ZNF567: variants seen among roughly 807,000 people sequenced by gnomAD.
ZNF567 encodes zinc finger protein 567.
ZNF567 carries 36 observed loss-of-function variants against 53.9 expected under a neutral mutation model. The ratio of observed to expected loss-of-function variants is 0.67; its 90% CI spans 0.51 to 0.88. The LOEUF is 0.88. ZNF567 is among the 40% of genes least tolerant of loss of function. ZNF567 has a pLI of 0.00. For synonymous variants in ZNF567, 224 were observed against 260.4 expected (o/e 0.86, Z 1.35); for missense variants, 619 against 764.7 (o/e 0.81, Z 2.25).
Position 36,720,328 on chromosome 19 carries a change from G to C in ZNF567, c.1604G>C (p.Cys535Ser), listed in dbSNP as rs1020516389. Residue 535 changes from cysteine (C) to serine (S), a missense_variant, in exon 6 of 6, where the codon TGT becomes TCT. Cys to Ser is a moderately radical substitution (Grantham distance 112). Transcript: ENST00000682579. Reference protein sequence around the residue: ...RIHTGEKPYVCNECGKSFRQK... With the variant: ...RIHTGEKPYVSNECGKSFRQK... ...CATACAGGGGAGAAACCCTATGTTT[G>C]TAATGAATGTGGGAAGTCCTTTCGC... 1 of 1,614,046 alleles carries C rather than the reference G, an allele frequency of 6.2e-7. No individual in the cohort carries two copies. The highest frequency in any genetic ancestry group is 1.3e-5 in the African/African-American group (1 of 74,944).
At position 36,721,054 on chromosome 19, in the gene ZNF567, C is replaced by G. The variant is rs945386922; in HGVS notation, c.*386C>G. On this transcript the variant is annotated 3_prime_UTR_variant, in exon 6 of 6. Coordinates refer to ENST00000682579, the MANE Select transcript of ZNF567 (RefSeq NM_001322917.1). ...TAAAAAGCAGTTAGTTGTTACTTACCTAAGAGTTACCACTTCCGTAGCCTA... is the reference window on the plus strand; with the variant it reads ...TAAAAAGCAGTTAGTTGTTACTTACGTAAGAGTTACCACTTCCGTAGCCTA... 2.6e-5 allele frequency: 4 copies of G among 153,220 alleles called. No homozygotes were observed. The highest frequency in any genetic ancestry group is 6.5e-5 in the Admixed American group (1 of 15,320). 9.5% of individuals were successfully genotyped at this position (153,220 alleles called of 1,614,324 possible). A position where few individuals can be genotyped will look rare whatever the true frequency, so the allele number is the denominator to read the frequency against.
chr19:36,683,033 C>A (rs767602238), upstream of ZNF567, among the ~76,000 whole-genome samples: 49 of 151,866 alleles, frequency 3.2e-4, no homozygotes, highest in Non-Finnish European at 5.0e-4. Flanking sequence ...CTCACTTTTT[C>A]TATCGGGTTT....
upstream of ZNF567, chr19:36,685,825 G>A (rs559803705): frequency 6.6e-6 from 1 of 152,330 alleles, no homozygotes; most frequent in East Asian, 1.9e-4. Context: ...TGGCAATTTG[G>A]GCTTGGCTTG....
downstream of ZNF567, among the ~76,000 whole-genome samples, chr19:36,721,746 T>TTTC (rs2040304804): frequency 3.1e-5 from 4 of 130,240 alleles, no homozygotes; most frequent in African/African-American, 1.4e-4. Flanking sequence ...TTTTTTTTCT[T>TTTC]TTTTTTTTTT....
upstream of ZNF567, chr19:36,687,564 C>CCG (rs2038309570): frequency 6.6e-6 from 1 of 152,296 alleles, no homozygotes; most frequent in Admixed American, 6.5e-5. Context: ...CAGGAACGCG[C>CCG]CGCGGAGACA....
intron 2 of ZNF567, among the ~76,000 whole-genome samples, chr19:36,693,941 G>A (rs985109922): frequency 1.3e-5 from 2 of 152,226 alleles, no homozygotes; most frequent in African/African-American, 2.4e-5. Context: ...GCTTACGCCT[G>A]TAATCACATA....
the ZNF567 span, among the ~76,000 whole-genome samples, chr19:36,675,032 C>T: frequency 3.9e-5 from 6 of 152,162 alleles, no homozygotes; most frequent in African/African-American, 1.2e-4. Flanking sequence ...GGATTATAGG[C>T]GTGAGCCACT....
At chr19:36,671,553 A>G in the ZNF567 span, among the ~76,000 whole-genome samples, 1 of 152,256 alleles carries the variant, frequency 6.6e-6, no homozygotes, top group South Asian at 2.1e-4. Flanking sequence ...CTGATGTGCC[A>G]CTTGGGCCAC....
At chr19:36,673,697 G>GACACAC in the ZNF567 span, among the ~76,000 whole-genome samples, 2 of 149,110 alleles carry the variant, frequency 1.3e-5, no homozygotes, top group African/African-American at 2.5e-5. Context: ...CACAGACACA[G>GACACAC]ACACACACAC....
the ZNF567 span, among the ~76,000 whole-genome samples, chr19:36,671,324 C>T: frequency 6.6e-6 from 1 of 152,036 alleles, no homozygotes; most frequent in Admixed American, 6.6e-5. Context: ...GTGAGATATC[C>T]CTTCTAAGAT....
intron 5 of ZNF567, among the ~76,000 whole-genome samples, chr19:36,713,108 A>G (rs2039871781): frequency 6.6e-6 from 1 of 151,994 alleles, no homozygotes; most frequent in Non-Finnish European, 1.5e-5. Flanking sequence ...ACGAGTTCAG[A>G]GCCAGCCTGG....
downstream of ZNF567, among the ~76,000 whole-genome samples, chr19:36,722,871 ATGTG>A (rs1015332120): frequency 5.9e-5 from 9 of 152,308 alleles, no homozygotes; most frequent in East Asian, 1.4e-3. Context: ...ACGTGTGTGT[ATGTG>A]TGTATATATG....
At chr19:36,676,497 C>A in the ZNF567 span, among the ~76,000 whole-genome samples, 2 of 152,172 alleles carry the variant, frequency 1.3e-5, no homozygotes, top group East Asian at 3.9e-4. Flanking sequence ...TGCTGCCCAG[C>A]TGCTATGTAT....
At chr19:36,672,948 A>G in the ZNF567 span, among the ~76,000 whole-genome samples, 1 of 152,366 alleles carries the variant, frequency 6.6e-6, no homozygotes, top group East Asian at 1.9e-4. Flanking sequence ...TTACAGAAAC[A>G]AAGACTAATT....
chr19:36,677,211 G>A, the ZNF567 span, among the ~76,000 whole-genome samples: 4 of 143,024 alleles, frequency 2.8e-5, no homozygotes, highest in Non-Finnish European at 6.0e-5. Flanking sequence ...TGTAATCCCA[G>A]CACTTTGGGA....
At chr19:36,712,962 C>CT in intron 5 of ZNF567, 95 bp downstream of exon 5, 2 of 996,062 alleles carry the variant, frequency 2.0e-6, no homozygotes, top group Non-Finnish European at 1.5e-6. Context: ...TCAGGAGTAT[C>CT]TTTTTTTAAA....
chr19:36,673,705 C>G, the ZNF567 span, among the ~76,000 whole-genome samples: 3 of 152,100 alleles, frequency 2.0e-5, no homozygotes, highest in Non-Finnish European at 4.4e-5. Context: ...CAGACACACA[C>G]ACACACACAC....
chr19:36,666,971 A>T, the ZNF567 span: 4 of 152,242 alleles, frequency 2.6e-5, no homozygotes, highest in Non-Finnish European at 5.9e-5. Flanking sequence ...CCAACCTGTT[A>T]ATGTTCGTTT....
At chr19:36,674,722 A>G in the ZNF567 span, among the ~76,000 whole-genome samples, 1 of 152,144 alleles carries the variant, frequency 6.6e-6, no homozygotes. Context: ...CATAGTATTT[A>G]GAATATGCTT....
Sources: allele counts gnomAD v4.1 joint callset (sites outside exome capture counted in the v4.1 genomes callset), GRCh38; gene constraint gnomAD v4.1.1; transcripts MANE v1.5; gene names NCBI Gene and HGNC (gene_info 2026-07-23, HGNC 2026-07-21).